PASK: variants seen among roughly 807,000 people sequenced by gnomAD.
The protein encoded by PASK is PAS domain-containing serine/threonine-protein kinase.
PASK carries 110 observed loss-of-function variants against 121.0 expected under a neutral mutation model. The observed-to-expected ratio is 0.91, with a 90% CI of 0.78 to 1.06. The LOEUF (loss-of-function observed/expected upper bound fraction) is 1.06. PASK is among the 50% of genes least tolerant of loss of function. The pLI, the probability that PASK is intolerant of heterozygous loss-of-function variation, is 0.00. For missense variants in PASK, 1,643 were observed against 1,702.3 expected, an observed-to-expected ratio of 0.97 and a Z score of 0.61; for synonymous variants, 686 against 717.8, an observed-to-expected ratio of 0.96 and a Z score of 0.71.
chr2:241,119,384 C>T (rs1479893752), intron 12 of PASK, among the ~76,000 whole-genome samples: 1 of 152,140 alleles, frequency 6.6e-6, no homozygotes, highest in African/African-American at 2.4e-5. Flanking sequence ...ATGTGCCCAC[C>T]CTCCAAGGGC....
intron 3 of PASK, among the ~76,000 whole-genome samples, chr2:241,140,301 A>C (rs1439692979): frequency 6.6e-6 from 1 of 152,064 alleles, no homozygotes. Context: ...GGTAGCTGGG[A>C]CTACAGGTGT....
chr2:241,110,931 C>G (rs145762263), intron 15 of PASK, among the ~76,000 whole-genome samples: 1 of 152,320 alleles, frequency 6.6e-6, no homozygotes, highest in East Asian at 1.9e-4. Flanking sequence ...CGGGGAAGAG[C>G]CCATTTTCAC....
intron 10 of PASK, among the ~76,000 whole-genome samples, chr2:241,125,372 G>C (rs1023291985): frequency 1.3e-5 from 2 of 150,974 alleles, no homozygotes; most frequent in African/African-American, 4.9e-5. Flanking sequence ...AAGCCGAGGC[G>C]GGCGGATCAC....
In PASK at chr2:241,124,023, G is replaced by A. The variant is rs534252134; in HGVS notation, c.2830C>T (p.Arg944Cys). ...HSQRDSAART[R>C]LFLASLPGST... Reference sequence around the variant, plus strand: ...CCGGGCAGGCTGGCAAGGAACAGGCGGGTCCTGGCGGCTGAGTCGCGTTGG... The same window carrying A: ...CCGGGCAGGCTGGCAAGGAACAGGCAGGTCCTGGCGGCTGAGTCGCGTTGG... The change falls in exon 11 of 18, where the codon CGC becomes TGC. Residue 944 changes from arginine to cysteine, a missense_variant. By Grantham distance (180) the Arg-to-Cys change is radical. Around this residue, in one of 3 missense-constraint regions of PASK, gnomAD observed 453 missense variants for 511.2 expected, o/e 0.89. Coordinates refer to ENST00000234040, the MANE Select transcript of PASK (RefSeq NM_015148.4). The A allele has an allele frequency of 5.0e-6, 8 of 1,613,844 alleles. No homozygotes were observed. Among genetic ancestry groups the A allele is most frequent in the South Asian group, 3.3e-5 (3 of 91,066 alleles).
At position 241,126,682 on chromosome 2, in the gene PASK, C is replaced by T. The variant is rs1257455638; in HGVS notation, c.2233G>A (p.Glu745Lys). Reference protein sequence around the residue: ...DVNSFSWNLKELFFSDQTDQT... With the variant: ...DVNSFSWNLKKLFFSDQTDQT... ...TCTGTCTGGTCACTGAAAAAGAGTT[C>T]CTTGAGGTTCCAGGAAAACGAATTC... is the stretch of plus-strand genomic sequence containing the variant. The change falls in exon 10 of 18, where the codon GAA becomes AAA. Residue 745 changes from glutamate to lysine, a missense_variant. Glu to Lys is a moderately conservative substitution (Grantham distance 56). This residue lies in a region of PASK where 1,176 missense variants were observed against 1,162.2 expected (regional missense o/e 1.01). Coordinates refer to ENST00000234040, the MANE Select transcript of PASK (RefSeq NM_015148.4). 1.2e-6 allele frequency: 2 copies of T among 1,614,222 alleles called. No individual in the cohort carries two copies.
chr2:241,134,424 A>AG (rs1279777756), intron 8 of PASK: 1 of 152,252 alleles, frequency 6.6e-6, no homozygotes, highest in Admixed American at 6.5e-5. Flanking sequence ...AGCCTAACAA[A>AG]GTATCTTTTA....
intron 11 of PASK, 151 bp downstream of exon 11, chr2:241,123,798 A>C: frequency 1.5e-5 from 10 of 677,738 alleles, no homozygotes; most frequent in Non-Finnish European, 2.3e-5. Flanking sequence ...AGCCTGGGGA[A>C]CAAGAGCAAG....
chr2:241,106,588 T>C lies in PASK; in HGVS notation c.3950A>G (p.Asp1317Gly), dbSNP rs1199774150. The C allele has an allele frequency of 6.2e-7, 1 of 1,613,970 alleles. No individual in the cohort carries two copies. The highest frequency in any genetic ancestry group is 1.3e-5 in the African/African-American group (1 of 74,872). Residue 1317 changes from aspartate to glycine, a missense_variant, in exon 18 of 18, where the codon GAT (aspartate) becomes GGT (glycine). Asp to Gly is a moderately conservative substitution (Grantham distance 94). Around this residue, in one of 3 missense-constraint regions of PASK, gnomAD observed 453 missense variants for 511.2 expected, o/e 0.89. Coordinates refer to ENST00000234040, the MANE Select transcript of PASK (RefSeq NM_015148.4). ...TGTTTAGCTGGTCAGCAGACGGGGA[T>C]CCCCGGGATGCAAACAGCCTTGGCC... ...PNGQGCLHPG[D>G]PRLLTS
chr2:241,111,608 T>C (rs2065115803), intron 15 of PASK, among the ~76,000 whole-genome samples: 1 of 152,080 alleles, frequency 6.6e-6, no homozygotes, highest in Non-Finnish European at 1.5e-5. Context: ...CTTTCCTCTC[T>C]AAAGTCCCCC....
chr2:241,107,594 TCTGA>T (rs2064942301), intron 16 of PASK, 95 bp from the exon 17 acceptor site: 7 of 1,260,840 alleles, frequency 5.6e-6, no homozygotes, highest in Non-Finnish European at 8.1e-6. Flanking sequence ...CCGCAGAGCC[TCTGA>T]CTGGGCAGGT....
At chr2:241,148,344 T>G (rs924856324) in intron 1 of PASK, among the ~76,000 whole-genome samples, 35 of 151,882 alleles carry the variant, frequency 2.3e-4, no homozygotes, top group Admixed American at 1.1e-3. Context: ...AGCAAACAGC[T>G]CCCATTGCTG....
chr2:241,122,874 T>C lies in PASK; in HGVS notation c.2930A>G (p.Glu977Gly), dbSNP rs1157411201. 2 of 1,614,052 alleles carry C rather than the reference T, an allele frequency of 1.2e-6. No homozygotes were observed. Among genetic ancestry groups the C allele is most frequent in the Admixed American group, 3.3e-5 (2 of 60,024 alleles). ...VEVLRARPWFEEPPKAVELEG... is the reference protein window; with the variant it reads ...VEVLRARPWFGEPPKAVELEG... The stretch of plus-strand genomic sequence containing the variant: ...CAGTTCCACAGCCTTGGGGGGCTCC[T>C]CAAACCAGGGTCTGGCTCTGAGCAC... The change falls in exon 12 of 18, where the codon GAG becomes GGG. Residue 977 changes from glutamate to glycine, a missense_variant. By Grantham distance (98) the Glu-to-Gly change is moderately conservative. Around this residue, in one of 3 missense-constraint regions of PASK, gnomAD observed 453 missense variants for 511.2 expected, o/e 0.89. Coordinates refer to ENST00000234040, the MANE Select transcript of PASK (RefSeq NM_015148.4).
chr2:241,111,315 G>A (rs1165651355), intron 15 of PASK, among the ~76,000 whole-genome samples: 1 of 152,202 alleles, frequency 6.6e-6, no homozygotes, highest in African/African-American at 2.4e-5. Flanking sequence ...TATGGGCGGT[G>A]CAGCAGAGCA....
Position 241,106,701 on chromosome 2 carries a change from C to T in PASK, c.3837G>A (p.Ala1279=), listed in dbSNP as rs1249018620. The change falls in exon 18 of 18, where the codon GCG becomes GCA. Residue 1279 remains alanine (A), a synonymous_variant. Transcript: ENST00000234040. ...NKPESGVLSA[A]SLEMGNRSLS... ...GGCTCCTGTTCCCCATCTCCAGGCT[C>T]GCAGCGGACAGAACTCCACTTTCTG... The T allele has an allele frequency of 6.8e-6, 11 of 1,614,202 alleles. No individual in the cohort carries two copies. The Middle Eastern group carries it at 8.2e-4, about 121-fold the overall frequency.
intron 9 of PASK, among the ~76,000 whole-genome samples, chr2:241,131,083 G>C (rs1438193026): frequency 6.6e-6 from 1 of 152,136 alleles, no homozygotes; most frequent in Non-Finnish European, 1.5e-5. Flanking sequence ...ATTGGAAGAC[G>C]GCCAGGGGAA....
At chr2:241,116,977 A>C (rs1438100323) in intron 12 of PASK, among the ~76,000 whole-genome samples, 1 of 152,230 alleles carries the variant, frequency 6.6e-6, no homozygotes, top group Non-Finnish European at 1.5e-5. Flanking sequence ...AGTCCCGGGA[A>C]GGCAGCTTCT....
chr2:241,136,914 T>C, intron 7 of PASK, 90 bp downstream of exon 7: 3 of 1,235,974 alleles, frequency 2.4e-6, no homozygotes, highest in East Asian at 2.3e-5. Flanking sequence ...GCTTGCCGGG[T>C]GCGAGGCCTG....
chr2:241,143,198 T>C (rs1314634321), intron 1 of PASK, 124 bp from the exon 2 acceptor site: 2 of 676,536 alleles, frequency 3.0e-6, no homozygotes, highest in Non-Finnish European at 5.3e-6. Context: ...ACCGCCATCC[T>C]GGGTCAGAAC....
At position 241,139,986 on chromosome 2, in the gene PASK, G is replaced by T. The variant is rs200237047; in HGVS notation, c.499C>A (p.Leu167Ile). Residue 167 changes from leucine to isoleucine, a missense_variant, in exon 4 of 18, where the codon CTC becomes ATC. Transcript: ENST00000234040. Reference sequence around the variant, plus strand: ...TCTGACCTCAGAAAGAACTGCGTGAGCTTCTGGCCAATCAGGTCCTGGCTG... The same window carrying T: ...TCTGACCTCAGAAAGAACTGCGTGATCTTCTGGCCAATCAGGTCCTGGCTG... ...YSSQDLIGQKLTQFFLRSDSD... is the reference protein window; with the variant it reads ...YSSQDLIGQKITQFFLRSDSD... 1 of 1,614,040 alleles carries T rather than the reference G, an allele frequency of 6.2e-7. No individual in the cohort carries two copies. The highest frequency in any genetic ancestry group is 2.2e-5 in the East Asian group (1 of 44,884).
Sources: allele counts gnomAD v4.1 joint callset (sites outside exome capture counted in the v4.1 genomes callset), GRCh38; gene constraint gnomAD v4.1.1; regional missense constraint gnomAD v4.1.1; transcripts MANE v1.5; gene names NCBI Gene and HGNC (gene_info 2026-07-23, HGNC 2026-07-21).